PGR: variants seen among roughly 807,000 people sequenced by gnomAD.
The protein encoded by PGR is nuclear receptor subfamily 3 group C member 3.
A neutral mutation model predicts 76.1 loss-of-function variants in PGR; 25 were observed. The ratio of observed to expected loss-of-function variants is 0.33; its 90% CI spans 0.24 to 0.46. The LOEUF (loss-of-function observed/expected upper bound fraction) is 0.46, where lower values mean the gene tolerates loss of function less well. Among genes scored for constraint, PGR ranks in the 20% least tolerant of loss-of-function variants. The pLI, the probability that PGR is intolerant of heterozygous loss-of-function variation, is 1.00. For synonymous variants in PGR, 579 were observed against 535.0 expected, an observed-to-expected ratio of 1.08 and a Z score of -1.14; for missense variants, 1,172 against 1,225.3, an observed-to-expected ratio of 0.96 and a Z score of 0.65.
intron 3 of PGR, 40 bp from the exon 4 acceptor site, chr11:101,062,792 T>C: frequency 7.5e-7 from 1 of 1,335,416 alleles, no homozygotes; most frequent in Non-Finnish European, 1.1e-6. Flanking sequence ...TAAATATATA[T>C]AAACTCCATA....
At chr11:101,069,590 CAA>C (rs1860844787) in intron 3 of PGR, among the ~76,000 whole-genome samples, 1 of 152,122 alleles carries the variant, frequency 6.6e-6, no homozygotes, top group Non-Finnish European at 1.5e-5. Context: ...TTCACAATAG[CAA>C]AGACTTGGAG....
chr11:101,089,595 G>A (rs1217850945), intron 3 of PGR, among the ~76,000 whole-genome samples: 1 of 151,894 alleles, frequency 6.6e-6, no homozygotes, highest in Non-Finnish European at 1.5e-5. Flanking sequence ...TATATGCGCA[G>A]AACTTAGAAT....
chr11:101,044,801 T>C (rs1386747690), intron 6 of PGR, among the ~76,000 whole-genome samples: 2 of 149,188 alleles, frequency 1.3e-5, no homozygotes, highest in Non-Finnish European at 3.0e-5. Context: ...CCGCCTCCCA[T>C]GTTCAAGCAA....
rs1339324261 is a variant in PGR, at chr11:101,038,350, A to G, written c.*766T>C. 2 of 209,222 alleles carry G rather than the reference A, an allele frequency of 9.6e-6. No individual in the cohort carries two copies. The highest frequency in any genetic ancestry group is 1.4e-4 in the East Asian group (2 of 13,848). 13.0% of individuals were successfully genotyped at this position (209,222 alleles called of 1,614,324 possible). ...AGTTGGTAAGGAGTACAGTTAGGCCATAATCTTCTGATTTCTTATGTCCAC... is the reference window on the plus strand; with the variant it reads ...AGTTGGTAAGGAGTACAGTTAGGCCGTAATCTTCTGATTTCTTATGTCCAC... On this transcript the variant is annotated 3_prime_UTR_variant, in exon 8 of 8. Coordinates refer to ENST00000325455, the MANE Select transcript of PGR (RefSeq NM_000926.4).
intron 3 of PGR, among the ~76,000 whole-genome samples, chr11:101,081,955 T>G (rs1156819454): frequency 6.6e-6 from 1 of 152,204 alleles, no homozygotes; most frequent in East Asian, 1.9e-4. Flanking sequence ...ATGGTTTGGT[T>G]CTGTGTCCTC....
chr11:101,059,842 C>CAAAAAA (rs781123527), intron 4 of PGR, among the ~76,000 whole-genome samples: 2 of 62,782 alleles, frequency 3.2e-5, no homozygotes, highest in East Asian at 4.1e-4. Flanking sequence ...GACCCTCTCT[C>CAAAAAA]AAAAAAAAAA....
At chr11:101,052,966 CA>C (rs982227452) in intron 4 of PGR, among the ~76,000 whole-genome samples, 2 of 152,024 alleles carry the variant, frequency 1.3e-5, no homozygotes, top group Non-Finnish European at 2.9e-5. Context: ...ATCCTGGTAT[CA>C]GCTGCACATA....
At chr11:101,060,752 G>C (rs777995059) in intron 4 of PGR, among the ~76,000 whole-genome samples, 2 of 152,166 alleles carry the variant, frequency 1.3e-5, no homozygotes, top group Non-Finnish European at 2.9e-5. Context: ...AATGGAAACA[G>C]TATGGGTAAT....
intron 2 of PGR, among the ~76,000 whole-genome samples, chr11:101,096,458 T>G (rs1414544092): frequency 1.3e-5 from 2 of 152,206 alleles, no homozygotes; most frequent in Non-Finnish European, 2.9e-5. Context: ...CAGTTCCAAC[T>G]AGAGCCGACT....
chr11:101,121,598 C>T (rs1163380331), intron 2 of PGR, among the ~76,000 whole-genome samples: 2 of 152,186 alleles, frequency 1.3e-5, no homozygotes, highest in East Asian at 3.9e-4. Context: ...AAACTTTCCC[C>T]ATTATCTGAC....
At chr11:101,124,034 A>G (rs946989092) in intron 2 of PGR, among the ~76,000 whole-genome samples, 1 of 152,220 alleles carries the variant, frequency 6.6e-6, no homozygotes, top group Admixed American at 6.5e-5. Context: ...GAAGTCAGGG[A>G]AAGTGTATCT....
chr11:101,070,828 G>A (rs1591388247), intron 3 of PGR, among the ~76,000 whole-genome samples: 2 of 152,292 alleles, frequency 1.3e-5, no homozygotes, highest in South Asian at 4.1e-4. Flanking sequence ...CCAGTCAGGG[G>A]CTTATACATA....
At chr11:101,046,361 T>TGTAGTCCC (rs1859887453) in intron 6 of PGR, among the ~76,000 whole-genome samples, 1 of 136,536 alleles carries the variant, frequency 7.3e-6, no homozygotes. Flanking sequence ...CCAAGTTGCC[T>TGTAGTCCC]AGGCTGGTCT....
At chr11:101,069,542 CAT>C (rs199942317) in intron 3 of PGR, among the ~76,000 whole-genome samples, 22,549 of 151,970 alleles carry the variant, frequency 0.15, 3,077 homozygotes, top group East Asian at 0.78. Flanking sequence ...ATCATTGTAC[CAT>C]AAGACACATG....
At chr11:101,079,506 T>C (rs1317479013) in intron 3 of PGR, among the ~76,000 whole-genome samples, 6 of 151,276 alleles carry the variant, frequency 4.0e-5, no homozygotes, top group Middle Eastern at 3.5e-3. Context: ...AACAGATATA[T>C]GAAAAAATGC....
intron 3 of PGR, among the ~76,000 whole-genome samples, chr11:101,087,725 C>T (rs1591402639): frequency 6.9e-6 from 1 of 145,152 alleles, no homozygotes; most frequent in East Asian, 2.0e-4. Flanking sequence ...GGAACTTAAA[C>T]AGTTGAACAA....
chr11:101,126,574 GGTTTT>G (rs1302399783), intron 1 of PGR, among the ~76,000 whole-genome samples: 2 of 152,102 alleles, frequency 1.3e-5, no homozygotes, highest in Admixed American at 6.5e-5. Context: ...GCAATGTTTT[GGTTTT>G]GAGTTTTTAA....
chr11:101,055,873 A>C (rs1860270573), intron 4 of PGR, among the ~76,000 whole-genome samples: 1 of 152,140 alleles, frequency 6.6e-6, no homozygotes, highest in Non-Finnish European at 1.5e-5. Context: ...ATCTTATTAC[A>C]ATAACTTTAA....
At position 101,101,605 on chromosome 11, in the gene PGR, T is replaced by C. The variant is rs619487; in HGVS notation, c.1790-9729A>G. On this transcript the variant is annotated intron_variant, in intron 2 of 7. Transcript: ENST00000325455. ...AATACTCCTCCATTTTCCAACTACA[T>C]ATCTGTGTGAGGCCACATTTCCTTC... 2.0e-4 allele frequency among the ~76,000 whole-genome samples: 30 copies of C among 152,180 alleles called. 1 individual carries two copies. Among genetic ancestry groups the C allele is most frequent in the Admixed American group, 6.5e-4 (10 of 15,296 alleles).
Sources: gnomAD v4.1 joint callset for allele counts (sites outside exome capture counted in the v4.1 genomes callset) on GRCh38, gnomAD v4.1.1 for gene constraint, MANE v1.5 for transcripts, NCBI Gene and HGNC (gene_info 2026-07-23, HGNC 2026-07-21) for gene names.